The following SMIM23 variants were observed in gnomAD, a reference collection of about 807,000 sequenced individuals.
SMIM23 encodes small integral membrane protein 23, also known as CTB-78H18.1.
In SMIM23, 10 loss-of-function variants were observed where a neutral mutation model predicts 12.8. The ratio of observed to expected loss-of-function variants is 0.78; its 90% CI spans 0.48 to 1.32. The LOEUF is 1.32. SMIM23 is among the 40% of genes most tolerant of loss of function. The pLI, the probability that SMIM23 is intolerant of heterozygous loss-of-function variation, is 0.00. For synonymous variants in SMIM23, 78 were observed against 80.1 expected (o/e 0.97, Z 0.14); for missense variants, 184 against 198.2 (o/e 0.93, Z 0.43).
At chr5:171,780,763 C>A (rs558345891), upstream of SMIM23, among the ~76,000 whole-genome samples, 1 of 152,204 alleles carries the variant, frequency 6.6e-6, no homozygotes, top group African/African-American at 2.4e-5. Flanking sequence ...AAGTGGGAGG[C>A]AAGAGACTTG....
chr5:171,774,749 T>G, the SMIM23 span: 1 of 380,360 alleles, frequency 2.6e-6, no homozygotes, highest in Admixed American at 3.2e-5. Flanking sequence ...AGCTATTGTG[T>G]CAAGAATCCC....
the SMIM23 span, among the ~76,000 whole-genome samples, chr5:171,776,351 C>A: frequency 6.6e-6 from 1 of 152,154 alleles, no homozygotes; most frequent in Non-Finnish European, 1.5e-5. Flanking sequence ...GCGCCCGAGG[C>A]ACATGTAACC....
At chr5:171,781,550 T>A (rs571863726), upstream of SMIM23, among the ~76,000 whole-genome samples, 10,025 of 150,348 alleles carry the variant, frequency 0.067, 842 homozygotes, top group African/African-American at 0.2. Context: ...CCCCCCCGTC[T>A]CTAGAGCTGT....
chr5:171,774,001 T>C, the SMIM23 span: 2 of 372,082 alleles, frequency 5.4e-6, no homozygotes, highest in Non-Finnish European at 1.1e-5. Flanking sequence ...TTCTTGTGTG[T>C]GCACTTCGCA....
chr5:171,784,405 A>T (rs559916531), upstream of SMIM23, among the ~76,000 whole-genome samples: 5 of 152,144 alleles, frequency 3.3e-5, no homozygotes, highest in African/African-American at 7.2e-5. Context: ...CTCGGGAGGC[A>T]GAGGCAGGAG....
intron 1 of SMIM23, 124 bp downstream of exon 1, chr5:171,786,100 C>A: frequency 1.3e-6 from 1 of 747,214 alleles, no homozygotes. Context: ...GGATCCCACT[C>A]TGATGGAGCA....
At chr5:171,780,211 A>G (rs751249092), upstream of SMIM23, among the ~76,000 whole-genome samples, 10 of 152,082 alleles carry the variant, frequency 6.6e-5, no homozygotes, top group Non-Finnish European at 1.2e-4. Flanking sequence ...TCATTCACAC[A>G]TTTCCATTCA....
At chr5:171,778,281 C>T (rs1019481633), upstream of SMIM23, among the ~76,000 whole-genome samples, 9 of 151,302 alleles carry the variant, frequency 5.9e-5, no homozygotes, top group Admixed American at 2.6e-4. Flanking sequence ...TGCTTGAACC[C>T]GGGAGGCAGA....
At chr5:171,784,895 C>T (rs914415230), upstream of SMIM23, among the ~76,000 whole-genome samples, 6 of 152,008 alleles carry the variant, frequency 3.9e-5, no homozygotes, top group Non-Finnish European at 8.8e-5. Flanking sequence ...GATGAATTTC[C>T]AGGGAATTAT....
upstream of SMIM23, among the ~76,000 whole-genome samples, chr5:171,778,038 C>T (rs541524738): frequency 6.6e-6 from 1 of 152,308 alleles, no homozygotes; most frequent in East Asian, 1.9e-4. Flanking sequence ...TAGGACTTTG[C>T]AGATGTCATC....
chr5:171,774,301 T>C, the SMIM23 span: 1 of 409,494 alleles, frequency 2.4e-6, no homozygotes, highest in African/African-American at 2.0e-5. Flanking sequence ...CTTGACATAA[T>C]GGCCTGTGAA....
upstream of SMIM23, among the ~76,000 whole-genome samples, chr5:171,784,864 A>G (rs1218469791): frequency 6.6e-6 from 1 of 152,212 alleles, no homozygotes; most frequent in East Asian, 1.9e-4. Context: ...AGAATGAACT[A>G]CTGATACATG....
At chr5:171,781,511 C>A (rs777185562), upstream of SMIM23, among the ~76,000 whole-genome samples, 2 of 150,200 alleles carry the variant, frequency 1.3e-5, no homozygotes, top group Non-Finnish European at 3.0e-5. Flanking sequence ...GCATCCACCA[C>A]CGGCTGGTCT....
chr5:171,777,705 TC>T (rs1358730926), upstream of SMIM23, among the ~76,000 whole-genome samples: 2 of 152,108 alleles, frequency 1.3e-5, no homozygotes, highest in East Asian at 1.9e-4. Context: ...AGCTCGGACA[TC>T]CCCCAGCCTC....
At chr5:171,786,287 T>C (rs1242458581) in intron 1 of SMIM23, among the ~76,000 whole-genome samples, 1 of 152,170 alleles carries the variant, frequency 6.6e-6, no homozygotes, top group African/African-American at 2.4e-5. Context: ...AATGAACGAA[T>C]GAACTGATAA....
At chr5:171,786,070 T>C in intron 1 of SMIM23, 94 bp downstream of exon 1, 2 of 1,045,414 alleles carry the variant, frequency 1.9e-6, no homozygotes, top group Non-Finnish European at 2.8e-6. Flanking sequence ...CCGGAATGAA[T>C]CTTGGACCCA....
upstream of SMIM23, among the ~76,000 whole-genome samples, chr5:171,777,841 G>A (rs1354021750): frequency 6.6e-6 from 1 of 152,124 alleles, no homozygotes; most frequent in Non-Finnish European, 1.5e-5. Context: ...ACACAGCCTT[G>A]TCTCCCACTT....
At chr5:171,785,423 T>C (rs1420018579), upstream of SMIM23, among the ~76,000 whole-genome samples, 1 of 151,946 alleles carries the variant, frequency 6.6e-6, no homozygotes, top group African/African-American at 2.4e-5. Context: ...TTTGTAATTT[T>C]TTAAAAATAG....
chr5:171,790,819 C>G lies in SMIM23; in HGVS notation c.250C>G (p.Pro84Ala), dbSNP rs1477290992. The part of the protein sequence containing the change: ...PQGLEYQTNE[P>A]SEEPIKTIRN... ...GGGGCTTGAATATCAGACCAACGAG[C>G]CCTCAGAAGAACCGATAAAGACCAT... The change falls in exon 4 of 4, where the codon CCC becomes GCC. Residue 84 changes from proline to alanine, a missense_variant. Physicochemically the swap from Pro to Ala is conservative, Grantham distance 27. Transcript: ENST00000523047. The G allele has an allele frequency of 7.8e-6, 12 of 1,536,094 alleles. No individual in the cohort carries two copies. The highest frequency in any genetic ancestry group is 3.9e-5 in the Admixed American group (2 of 50,996).
Sources: allele counts gnomAD v4.1 joint callset (sites outside exome capture counted in the v4.1 genomes callset), GRCh38; gene constraint gnomAD v4.1.1; transcripts MANE v1.5; gene names NCBI Gene and HGNC (gene_info 2026-07-23, HGNC 2026-07-21).